PRKCZ: variants seen among roughly 807,000 people sequenced by gnomAD.
PRKCZ encodes the protein protein kinase C zeta, also known as protein kinase C zeta type.
In PRKCZ, 33 loss-of-function variants were observed where a neutral mutation model predicts 79.5. The ratio of observed to expected loss-of-function variants is 0.41; its 90% confidence interval spans 0.31 to 0.55. The LOEUF (loss-of-function observed/expected upper bound fraction) is 0.55. Ranked by LOEUF, PRKCZ falls within the 20% of genes least tolerant of loss-of-function variation. The probability of loss-of-function intolerance (pLI) is 0.19; values close to 1 mark genes in which losing one functional copy is unlikely to be tolerated. For missense variants in PRKCZ, 578 were observed against 813.5 expected, an observed-to-expected ratio of 0.71 and a Z score of 3.52; for synonymous variants, 342 against 320.9, an observed-to-expected ratio of 1.07 and a Z score of -0.70.
intron 9 of PRKCZ, among the ~76,000 whole-genome samples, chr1:2,154,414 G>C (rs1038750667): frequency 8.5e-5 from 13 of 152,330 alleles, no homozygotes; most frequent in Admixed American, 7.2e-4. Flanking sequence ...CCTCGAGGAG[G>C]AGGAGGGCGC....
chr1:2,116,775 A>G (rs947745817), intron 4 of PRKCZ, among the ~76,000 whole-genome samples: 1 of 152,098 alleles, frequency 6.6e-6, no homozygotes, highest in African/African-American at 2.4e-5. Flanking sequence ...TTACATTTCC[A>G]TACACATGGG....
intron 4 of PRKCZ, among the ~76,000 whole-genome samples, chr1:2,112,534 G>A (rs572319099): frequency 7.7e-4 from 117 of 152,300 alleles, no homozygotes; most frequent in Non-Finnish European, 1.3e-3. Context: ...GGGTGCAGCC[G>A]CCGCTTGGAG....
chr1:2,137,984 C>G (rs1432973488), intron 5 of PRKCZ, among the ~76,000 whole-genome samples: 1 of 152,246 alleles, frequency 6.6e-6, no homozygotes, highest in African/African-American at 2.4e-5. Flanking sequence ...CCCTGCAGTT[C>G]AGCCTGTCCG....
At chr1:2,081,994 C>A (rs1275711598) in intron 4 of PRKCZ, among the ~76,000 whole-genome samples, 1 of 152,248 alleles carries the variant, frequency 6.6e-6, no homozygotes, top group African/African-American at 2.4e-5. Flanking sequence ...GAAATGTGTT[C>A]AGTTCTCTTG....
chr1:2,127,343 CA>C lies in PRKCZ; in HGVS notation c.335-7918del, dbSNP rs56348719. Among the ~76,000 whole-genome samples, 77,843 of 151,738 alleles carry C rather than the reference CA, an allele frequency of 0.51. 21,106 individuals are homozygous for C. The highest frequency in any genetic ancestry group is 0.63 in the Middle Eastern group (186 of 294). ...GGTTAGAAACGGGAAGTTTGAGTTG[CA>C]GGCTTGCGATCCGGGCAGGTCCCTC... On this transcript the variant is annotated intron_variant, in intron 4 of 17. Coordinates refer to ENST00000378567, the MANE Select transcript of PRKCZ (RefSeq NM_002744.6). The surrounding 1 kb of genome is among the most constrained non-coding windows in gnomAD (Gnocchi z 5.1).
In PRKCZ at chr1:2,165,143, C is replaced by T. The variant is rs140955749; in HGVS notation, c.975-4375C>T. Among the ~76,000 whole-genome samples the T allele has an allele frequency of 2.0e-5, 3 of 152,314 alleles. No individual in the cohort carries two copies. The highest frequency in any genetic ancestry group is 3.9e-4 in the East Asian group (2 of 5,180). On this transcript the variant is annotated intron_variant, in intron 10 of 17. Coordinates refer to ENST00000378567, the MANE Select transcript of PRKCZ (RefSeq NM_002744.6). The surrounding 1 kb of genome is among the most constrained non-coding windows in gnomAD (Gnocchi z 4.1). ...ATCCCCACCAGTAGATTTCTTTGGA[C>T]GAAGTAAAATCCTTCTGTGGATTCA... is the stretch of plus-strand genomic sequence containing the variant.
Position 2,067,525 on chromosome 1 carries a change from T to C in PRKCZ, c.334+7934T>C, listed in dbSNP as rs77496767. Among the ~76,000 whole-genome samples the C allele has an allele frequency of 0.043, 6,508 of 152,222 alleles. 1,189 individuals carry two copies. In the East Asian group the frequency reaches 0.63, roughly 15 times the overall value. ...CGAGTGGGGATCCCCTGTGTGCATC[T>C]GTGGCGGCCTCAGTGGTGTTGGGGT... On this transcript the variant is annotated intron_variant, in intron 4 of 17. Coordinates refer to ENST00000378567, the MANE Select transcript of PRKCZ (RefSeq NM_002744.6).
At chr1:2,074,676 G>A in intron 4 of PRKCZ, 1 of 320,272 alleles carries the variant, frequency 3.1e-6, no homozygotes, top group Non-Finnish European at 5.9e-6. Context: ...CACAGCCAGG[G>A]TTAATGTGCA....
intron 4 of PRKCZ, among the ~76,000 whole-genome samples, chr1:2,088,061 T>A (rs1664845317): frequency 6.6e-6 from 1 of 152,218 alleles, no homozygotes; most frequent in Non-Finnish European, 1.5e-5. Context: ...CGGCTTTCTC[T>A]GCTGTGTGGG....
intron 4 of PRKCZ, among the ~76,000 whole-genome samples, chr1:2,108,706 T>A (rs999487478): frequency 6.6e-6 from 1 of 152,210 alleles, no homozygotes; most frequent in African/African-American, 2.4e-5. Context: ...GGCTGTCTGA[T>A]GTGCTCCCTG....
Position 2,184,575 on chromosome 1 carries a change from T to C in PRKCZ, c.1576-8T>C. The C allele has an allele frequency of 2.5e-6, 4 of 1,612,502 alleles. No homozygotes were observed. Among genetic ancestry groups the C allele is most frequent in the South Asian group, 1.1e-5 (1 of 90,914 alleles). On this transcript the variant is annotated splice_region_variant and splice_polypyrimidine_tract_variant and intron_variant, in intron 16 of 17. Coordinates refer to ENST00000378567, the MANE Select transcript of PRKCZ (RefSeq NM_002744.6). ...CGGAGCTGACCCTTCTCCTATTGTT[T>C]TTCCAAGCTGGAGAAGAAGCAGGCG... is the stretch of plus-strand genomic sequence containing the variant.
At chr1:2,084,317 C>T (rs900433253) in intron 4 of PRKCZ, among the ~76,000 whole-genome samples, 2 of 152,186 alleles carry the variant, frequency 1.3e-5, no homozygotes, top group East Asian at 1.9e-4. Context: ...TCTTCCTAAG[C>T]GCAGTGGAAA....
chr1:2,095,595 T>C (rs1050484274), intron 4 of PRKCZ, among the ~76,000 whole-genome samples: 3 of 152,142 alleles, frequency 2.0e-5, no homozygotes. Flanking sequence ...GCGTCCTGCA[T>C]GGGTGGTGCC....
intron 11 of PRKCZ, among the ~76,000 whole-genome samples, chr1:2,170,898 G>A (rs1684298430): frequency 6.6e-6 from 1 of 152,356 alleles, no homozygotes; most frequent in Non-Finnish European, 1.5e-5. Context: ...CATCCCTCGG[G>A]GGGCACTTGA....
rs1276922389 is a variant in PRKCZ at position 2,123,595 on chromosome 1, AGTTAGGGTCACGGTGGTG to A, written c.335-11653_335-11636del. ...CGGTGGTAGTTAGGGTCACGGTGGT[AGTTAGGGTCACGGTGGTG>A]GTTAGGGTCACGGCGGTGGTTAGGG... On this transcript the variant is annotated intron_variant, in intron 4 of 17. Coordinates refer to ENST00000378567, the MANE Select transcript of PRKCZ (RefSeq NM_002744.6). Among the ~76,000 whole-genome samples the A allele has an allele frequency of 5.5e-4, 26 of 47,396 alleles. 10 individuals carry two copies. The highest frequency in any genetic ancestry group is 9.5e-4 in the Non-Finnish European group (23 of 24,104). The allele number at this position is 47,396 out of a possible 152,430, so 31.1% of individuals were successfully genotyped here.
chr1:2,058,793 G>A (rs534657375), intron 3 of PRKCZ, among the ~76,000 whole-genome samples: 3 of 152,256 alleles, frequency 2.0e-5, no homozygotes, highest in East Asian at 1.9e-4. Context: ...CTACTTGGGA[G>A]GCTGAGGCAG....
intron 9 of PRKCZ, 110 bp downstream of exon 9, chr1:2,151,088 A>G (rs908804908): frequency 1.2e-5 from 16 of 1,321,204 alleles, no homozygotes; most frequent in Non-Finnish European, 1.5e-5. Flanking sequence ...CCTCACGTTG[A>G]CGGAGTTTGT....
intron 10 of PRKCZ, among the ~76,000 whole-genome samples, chr1:2,157,359 C>G (rs944187957): frequency 6.6e-6 from 1 of 152,060 alleles, no homozygotes; most frequent in Non-Finnish European, 1.5e-5. Flanking sequence ...GCATCCTGTT[C>G]AGGCACACAC....
In PRKCZ at chr1:2,173,913, G is replaced by T; in HGVS notation, c.1302G>T (p.Trp434Cys). Reference protein sequence around the residue: ...RGEEYGFSVDWWALGVLMFEM... With the variant: ...RGEEYGFSVDCWALGVLMFEM... ...CTCCCCCAGGGTTCAGCGTGGACTG[G>T]TGGGCGCTGGGAGTCCTCATGTTTG... The change falls in exon 14 of 18, where the codon TGG (tryptophan) becomes TGT (cysteine). Residue 434 changes from tryptophan to cysteine, a missense_variant. Coordinates refer to ENST00000378567, the MANE Select transcript of PRKCZ (RefSeq NM_002744.6). The surrounding 1 kb of genome is among the most constrained non-coding windows in gnomAD (Gnocchi z 5.7). The T allele has an allele frequency of 6.2e-7, 1 of 1,611,810 alleles. No individual in the cohort carries two copies. The highest frequency in any genetic ancestry group is 8.5e-7 in the Non-Finnish European group (1 of 1,178,834).
Sources: allele counts gnomAD v4.1 joint callset (sites outside exome capture counted in the v4.1 genomes callset), GRCh38; gene constraint gnomAD v4.1.1; non-coding constraint Gnocchi (gnomAD v3.1); transcripts MANE v1.5; gene names NCBI Gene and HGNC (gene_info 2026-07-23, HGNC 2026-07-21).